Variants in MTHFD2L observed in about 807,000 individuals in gnomAD.
The protein encoded by MTHFD2L is methylenetetrahydrofolate dehydrogenase (NADP+ dependent) 2 like.
In MTHFD2L, 29 loss-of-function variants were observed where a neutral mutation model predicts 34.9. The observed-to-expected ratio is 0.83, with a 90% confidence interval of 0.62 to 1.13. The LOEUF is 1.13. Among genes scored for constraint, MTHFD2L ranks in the 50% most tolerant of loss-of-function variants. The pLI, the probability that MTHFD2L is intolerant of heterozygous loss-of-function variation, is 0.00. For synonymous variants in MTHFD2L, 167 were observed against 155.7 expected (o/e 1.07, Z -0.54); for missense variants, 481 against 446.5 (o/e 1.08, Z -0.70).
chr4:74,241,608 A>G (rs190092573), intron 6 of MTHFD2L: 202 of 443,470 alleles, frequency 4.6e-4, no homozygotes, highest in African/African-American at 3.8e-3. Flanking sequence ...CAACTCCTGA[A>G]CTCAAGCGAT....
chr4:74,226,013 A>G (rs1378200441), intron 6 of MTHFD2L, among the ~76,000 whole-genome samples: 1 of 152,108 alleles, frequency 6.6e-6, no homozygotes, highest in Non-Finnish European at 1.5e-5. Context: ...TTTTTAACAT[A>G]AAGAAAAAAC....
intron 6 of MTHFD2L, among the ~76,000 whole-genome samples, chr4:74,227,893 A>G (rs1014685683): frequency 2.5e-4 from 38 of 152,174 alleles, no homozygotes; most frequent in African/African-American, 8.7e-4. Context: ...TAATGGGTCT[A>G]GATTTTGCTC....
intron 6 of MTHFD2L, among the ~76,000 whole-genome samples, chr4:74,254,739 A>G (rs901343141): frequency 6.6e-6 from 1 of 152,206 alleles, no homozygotes; most frequent in African/African-American, 2.4e-5. Flanking sequence ...GTCAAGTTCA[A>G]CATACTCTAA....
chr4:74,165,215 TTAAAA>T (rs933289564), intron 1 of MTHFD2L: 4 of 154,882 alleles, frequency 2.6e-5, no homozygotes, highest in African/African-American at 9.6e-5. Context: ...TCCTTATGTG[TTAAAA>T]TAAAAATTTA....
chr4:74,245,922 G>T (rs867759012), intron 6 of MTHFD2L, among the ~76,000 whole-genome samples: 1 of 150,080 alleles, frequency 6.7e-6, no homozygotes, highest in Non-Finnish European at 1.5e-5. Context: ...ATTGTGAATA[G>T]TGCCGCAATA....
chr4:74,121,627 ATTAT>A (rs1036829112), upstream of MTHFD2L, among the ~76,000 whole-genome samples: 161 of 145,654 alleles, frequency 1.1e-3, 2 homozygotes, highest in Middle Eastern at 0.014. Flanking sequence ...TATATAATTA[ATTAT>A]TTAATTATAC....
chr4:74,259,093 A>G (rs556427931), intron 6 of MTHFD2L, among the ~76,000 whole-genome samples: 2 of 152,166 alleles, frequency 1.3e-5, no homozygotes, highest in East Asian at 3.9e-4. Context: ...ATCCTCTACC[A>G]GCACAGTATG....
chr4:74,240,566 G>A (rs557315099), intron 6 of MTHFD2L, among the ~76,000 whole-genome samples: 52 of 152,184 alleles, frequency 3.4e-4, no homozygotes, highest in Non-Finnish European at 5.4e-4. Flanking sequence ...ATTCATTACA[G>A]AAAGAGATAT....
intron 2 of MTHFD2L, among the ~76,000 whole-genome samples, chr4:74,115,846 G>A (rs1168306960): frequency 6.6e-6 from 1 of 152,152 alleles, no homozygotes; most frequent in Non-Finnish European, 1.5e-5. Context: ...TGAACTCACC[G>A]TTTGTCGTGC....
At chr4:74,206,378 A>C (rs558938601) in intron 5 of MTHFD2L, among the ~76,000 whole-genome samples, 2 of 150,174 alleles carry the variant, frequency 1.3e-5, no homozygotes, top group African/African-American at 4.9e-5. Flanking sequence ...GCCTTGAAGT[A>C]ATCTCTGGAA....
intron 7 of MTHFD2L, among the ~76,000 whole-genome samples, chr4:74,293,213 G>A (rs972280239): frequency 1.3e-5 from 2 of 151,834 alleles, no homozygotes; most frequent in East Asian, 1.9e-4. Context: ...ACCCCCGACA[G>A]GCCCCAGTGT....
At chr4:74,276,625 G>T (rs1746686947) in intron 6 of MTHFD2L, among the ~76,000 whole-genome samples, 1 of 152,042 alleles carries the variant, frequency 6.6e-6, no homozygotes, top group African/African-American at 2.4e-5. Context: ...CCAATGACAA[G>T]AATTTATATT....
Position 74,182,241 on chromosome 4 carries a change from A to G in MTHFD2L, c.451+6838A>G, listed in dbSNP as rs188083201. Among the ~76,000 whole-genome samples the G allele has an allele frequency of 3.3e-5, 5 of 152,296 alleles. No individual in the cohort carries two copies. The East Asian group carries it at 5.8e-4, about 18-fold the overall frequency. ...TAATCTGCCTTGTATCTGTTAGACA[A>G]TTAGTGAATGCTGTTGAAGAAATGA... On this transcript the variant is annotated intron_variant, in intron 3 of 7. Transcript: ENST00000325278.
At chr4:74,253,753 G>A (rs148961348) in intron 6 of MTHFD2L, among the ~76,000 whole-genome samples, 11 of 152,032 alleles carry the variant, frequency 7.2e-5, no homozygotes, top group East Asian at 1.9e-4. Context: ...AGCTCCTGTC[G>A]ACCTAGGCTT....
intron 5 of MTHFD2L, among the ~76,000 whole-genome samples, chr4:74,218,591 A>G (rs1162916001): frequency 6.6e-6 from 1 of 150,728 alleles, no homozygotes; most frequent in Admixed American, 6.6e-5. Context: ...AGAACAGTGA[A>G]TTCCTCATTA....
In MTHFD2L at chr4:74,200,588, T is replaced by A. The variant is rs182603267; in HGVS notation, c.604+642T>A. ...TTTTAATTTTAAACATTTACCCTTG[T>A]ACTGTACTGGATACGGTAATGCTCT... On this transcript the variant is annotated intron_variant, in intron 4 of 7. Coordinates refer to ENST00000325278, the MANE Select transcript of MTHFD2L (RefSeq NM_001144978.3). Among the ~76,000 whole-genome samples, 893 of 152,316 alleles carry A rather than the reference T, an allele frequency of 5.9e-3. 8 individuals carry two copies. The highest frequency in any genetic ancestry group is 7.5e-3 in the Non-Finnish European group (511 of 68,020).
chr4:74,239,792 G>A (rs754489117), intron 6 of MTHFD2L, among the ~76,000 whole-genome samples: 22 of 152,092 alleles, frequency 1.4e-4, no homozygotes, highest in Admixed American at 4.6e-4. Flanking sequence ...GTAAAAAGGG[G>A]CAAGTGCATT....
At chr4:74,180,925 A>T (rs79379078) in intron 3 of MTHFD2L, 7,706 of 177,030 alleles carry the variant, frequency 0.044, 595 homozygotes, top group African/African-American at 0.17. Context: ...TAGGCATTTT[A>T]TTTTATTTTT....
chr4:74,290,502 G>A (rs1474999398), intron 7 of MTHFD2L, among the ~76,000 whole-genome samples: 1 of 152,042 alleles, frequency 6.6e-6, no homozygotes, highest in South Asian at 2.1e-4. Flanking sequence ...TCACCACTCT[G>A]AGACTCAATT....
Sources: gnomAD v4.1 joint callset for allele counts (sites outside exome capture counted in the v4.1 genomes callset) on GRCh38, gnomAD v4.1.1 for gene constraint, MANE v1.5 for transcripts, NCBI Gene and HGNC (gene_info 2026-07-23, HGNC 2026-07-21) for gene names.